The following EIF2AK3 variants were observed in gnomAD, a reference collection of about 807,000 sequenced individuals.
EIF2AK3 encodes eukaryotic translation initiation factor 2-alpha kinase 3.
Under a neutral mutation model 113.5 loss-of-function variants are expected in EIF2AK3, and 50 were observed. That is an observed-to-expected ratio of 0.44 (90% CI 0.35 to 0.56). The LOEUF (loss-of-function observed/expected upper bound fraction) is 0.56. EIF2AK3 is among the 20% of genes least tolerant of loss of function. The pLI is 0.00. For synonymous variants in EIF2AK3, 448 were observed against 495.4 expected, an observed-to-expected ratio of 0.90 and a Z score of 1.27; for missense variants, 1,185 against 1,378.0, an observed-to-expected ratio of 0.86 and a Z score of 2.22.
chr2:88,616,204 C>T (rs1675564653), intron 1 of EIF2AK3, among the ~76,000 whole-genome samples: 1 of 152,120 alleles, frequency 6.6e-6, no homozygotes, highest in African/African-American at 2.4e-5. Context: ...TATCTGGTTT[C>T]AGGCCTCTCC....
rs564022106 is a variant in EIF2AK3, at chr2:88,607,723, G to A, written c.438+6001C>T. The stretch of plus-strand genomic sequence containing the variant: ...GGATCAGAAAAGGTTAAGAACATCA[G>A]AGCAAGCCAGGAGGCAAGTATGTAC... On this transcript the variant is annotated intron_variant, in intron 2 of 16. Transcript: ENST00000303236. Among the ~76,000 whole-genome samples, 3 of 152,330 alleles carry A rather than the reference G, an allele frequency of 2.0e-5. No individual in the cohort carries two copies. In the South Asian group the frequency reaches 6.2e-4, roughly 32 times the overall value.
intron 10 of EIF2AK3, among the ~76,000 whole-genome samples, chr2:88,580,151 C>T (rs142877273): frequency 6.6e-6 from 1 of 152,296 alleles, no homozygotes; most frequent in East Asian, 1.9e-4. Flanking sequence ...GGTTGCCCCA[C>T]GAGTCAGTGT....
In EIF2AK3 at chr2:88,562,421, T is replaced by C. The variant is rs745736665; in HGVS notation, c.2986-31A>G. ...ATCCCACATAAAGAAAATTTAAAAA[T>C]TAACACAGAGACAGTACAGTTGATA... On this transcript the variant is annotated intron_variant, in intron 14 of 16. Transcript: ENST00000303236. 6 of 1,553,130 alleles carry C rather than the reference T, an allele frequency of 3.9e-6. No individual in the cohort carries two copies. In the East Asian group the frequency reaches 1.3e-4, roughly 35 times the overall value.
intron 2 of EIF2AK3, among the ~76,000 whole-genome samples, chr2:88,605,674 A>G (rs1675252899): frequency 6.6e-6 from 1 of 152,178 alleles, no homozygotes. Context: ...TTCAAAAATG[A>G]TACACTTGAA....
At chr2:88,578,944 C>A (rs945276629) in intron 11 of EIF2AK3, among the ~76,000 whole-genome samples, 2 of 152,060 alleles carry the variant, frequency 1.3e-5, no homozygotes, top group Non-Finnish European at 2.9e-5. Context: ...AAATATGGCA[C>A]GTGTATTAAA....
chr2:88,565,898 T>C (rs1362601692), intron 14 of EIF2AK3, among the ~76,000 whole-genome samples: 1 of 152,200 alleles, frequency 6.6e-6, no homozygotes, highest in African/African-American at 2.4e-5. Flanking sequence ...CCAGGGCCAA[T>C]AGATTTATTT....
At chr2:88,601,486 C>A (rs1675145814) in intron 2 of EIF2AK3, among the ~76,000 whole-genome samples, 1 of 152,204 alleles carries the variant, frequency 6.6e-6, no homozygotes, top group African/African-American at 2.4e-5. Flanking sequence ...AACACAGCCA[C>A]ACATTCATTC....
intron 9 of EIF2AK3, 80 bp from the exon 10 acceptor site, chr2:88,583,622 C>A: frequency 2.0e-6 from 2 of 983,400 alleles, no homozygotes; most frequent in East Asian, 2.4e-5. Flanking sequence ...ATAAAATAAA[C>A]AACACTGAAA....
chr2:88,559,031 A>G, intron 15 of EIF2AK3, 52 bp from the exon 16 acceptor site: 1 of 1,300,452 alleles, frequency 7.7e-7, no homozygotes, highest in Non-Finnish European at 1.1e-6. Flanking sequence ...ATACAACATG[A>G]AAATATTTTT....
chr2:88,608,388 G>A (rs1675341382), intron 2 of EIF2AK3, among the ~76,000 whole-genome samples: 2 of 152,032 alleles, frequency 1.3e-5, no homozygotes, highest in South Asian at 2.1e-4. Context: ...CTTGATGAAA[G>A]CTTGGAGAAA....
intron 8 of EIF2AK3, among the ~76,000 whole-genome samples, chr2:88,587,694 A>G (rs1339716559): frequency 6.6e-6 from 1 of 152,164 alleles, no homozygotes; most frequent in South Asian, 2.1e-4. Flanking sequence ...GCGTTATCTC[A>G]TTTAGGCCTC....
In EIF2AK3 at chr2:88,623,329, C is replaced by T. The variant is rs1054452554; in HGVS notation, c.308+3638G>A. Among the ~76,000 whole-genome samples, 3 of 152,084 alleles carry T rather than the reference C, an allele frequency of 2.0e-5. No homozygotes were observed. In the East Asian group the frequency reaches 5.8e-4, roughly 29 times the overall value. ...ATGTTTAGCAGAAGAACATGGACAA[C>T]GAGATTGGTACCAGAAAAACAAGTT... On this transcript the variant is annotated intron_variant, in intron 1 of 16. Transcript: ENST00000303236.
At chr2:88,609,029 C>T (rs747869858) in intron 2 of EIF2AK3, among the ~76,000 whole-genome samples, 5 of 151,558 alleles carry the variant, frequency 3.3e-5, no homozygotes, top group African/African-American at 4.8e-5. Context: ...CCACCGCGCC[C>T]GGCCTTGATG....
chr2:88,588,039 TATC>T lies in EIF2AK3; in HGVS notation c.1369_1371del (p.Asp457del). On this transcript the variant is annotated inframe_deletion, in exon 8 of 17. Coordinates refer to ENST00000303236, the MANE Select transcript of EIF2AK3 (RefSeq NM_004836.7). ...TTACTATATTCTTCATGAGAAAACT[TATC>T]ATTACTGAGACATTTGTCAAATTCA... is the stretch of plus-strand genomic sequence containing the variant. 6.3e-7 allele frequency: 1 copy of T among 1,584,954 alleles called. No homozygotes were observed. The highest frequency in any genetic ancestry group is 8.6e-7 in the Non-Finnish European group (1 of 1,159,442).
chr2:88,589,323 C>G (rs1674822752), intron 6 of EIF2AK3, among the ~76,000 whole-genome samples: 1 of 152,098 alleles, frequency 6.6e-6, no homozygotes, highest in Non-Finnish European at 1.5e-5. Flanking sequence ...CCTTCAAATT[C>G]TTGCTTTTCA....
At chr2:88,607,162 T>G (rs994494070) in intron 2 of EIF2AK3, among the ~76,000 whole-genome samples, 19 of 152,202 alleles carry the variant, frequency 1.2e-4, no homozygotes, top group African/African-American at 4.1e-4. Context: ...TACTTAGATT[T>G]GGTGAAGTGA....
chr2:88,579,828 C>T, intron 10 of EIF2AK3, 188 bp from the exon 11 acceptor site: 1 of 536,316 alleles, frequency 1.9e-6, no homozygotes, highest in Admixed American at 3.3e-5. Flanking sequence ...CAAACACATT[C>T]TTATGTTTCC....
chr2:88,605,467 CA>C (rs1263184198), intron 2 of EIF2AK3, among the ~76,000 whole-genome samples: 3 of 152,136 alleles, frequency 2.0e-5, no homozygotes, highest in Non-Finnish European at 4.4e-5. Flanking sequence ...AACAAGGCCT[CA>C]AAACCAAATA....
At chr2:88,567,689 T>C (rs1485640302) in intron 14 of EIF2AK3, among the ~76,000 whole-genome samples, 3 of 152,216 alleles carry the variant, frequency 2.0e-5, no homozygotes, top group Non-Finnish European at 4.4e-5. Context: ...AAATTAACTT[T>C]TAATAGGTAA....
Sources: gnomAD v4.1 joint callset for allele counts (sites outside exome capture counted in the v4.1 genomes callset) on GRCh38, gnomAD v4.1.1 for gene constraint, MANE v1.5 for transcripts, NCBI Gene and HGNC (gene_info 2026-07-23, HGNC 2026-07-21) for gene names.